Variants in YTHDF3 observed in about 807,000 individuals in gnomAD.
The protein encoded by YTHDF3 is YTH N6-methyladenosine RNA binding protein F3.
A neutral mutation model predicts 52.5 loss-of-function variants in YTHDF3; 9 were observed. The observed-to-expected ratio is 0.17, with a 90% CI of 0.10 to 0.30. YTHDF3 has a LOEUF of 0.30. Among genes scored for constraint, YTHDF3 ranks in the 10% least tolerant of loss-of-function variants. The probability of loss-of-function intolerance (pLI) is 1.00; values close to 1 mark genes in which losing one functional copy is unlikely to be tolerated. For missense variants in YTHDF3, 534 were observed against 715.0 expected (o/e 0.75, Z 2.89); for synonymous variants, 274 against 243.3 (o/e 1.13, Z -1.18).
intron 4 of YTHDF3, among the ~76,000 whole-genome samples, chr8:63,196,494 G>A (rs960585014): frequency 1.3e-5 from 2 of 151,240 alleles, no homozygotes; most frequent in Non-Finnish European, 2.9e-5. Flanking sequence ...ACCAGGAGGC[G>A]GAAGTTGCAG....
chr8:63,202,655 G>T (rs1345560312), intron 4 of YTHDF3, among the ~76,000 whole-genome samples: 1 of 151,866 alleles, frequency 6.6e-6, no homozygotes, highest in East Asian at 2.0e-4. Context: ...TAGAGACGGG[G>T]TTTTGACATG....
At chr8:63,190,828 C>T (rs1460299903) in intron 4 of YTHDF3, among the ~76,000 whole-genome samples, 1 of 152,212 alleles carries the variant, frequency 6.6e-6, no homozygotes, top group Non-Finnish European at 1.5e-5. Flanking sequence ...ACATTCATTG[C>T]TCAGTTAATC....
rs1376421140 is a variant in YTHDF3 at position 63,186,929 on chromosome 8, A to G, written c.918A>G (p.Pro306=). The G allele has an allele frequency of 3.1e-6, 5 of 1,613,864 alleles. No individual in the cohort carries two copies. The highest frequency in any genetic ancestry group is 3.4e-6 in the Non-Finnish European group (4 of 1,179,894). The change falls in exon 4 of 5, where the codon CCA becomes CCG. Residue 306 remains proline (P), a synonymous_variant. Coordinates refer to ENST00000539294, the MANE Select transcript of YTHDF3 (RefSeq NM_152758.6). ...AAACTATAATCCAGCAGCCTCAGCC[A>G]TTAATTCAACCACCACCATTGGTGC... ...PPQTIIQQPQ[P]LIQPPPLVQS...
upstream of YTHDF3, chr8:63,168,564 G>T: frequency 1.9e-6 from 1 of 516,160 alleles, no homozygotes; most frequent in South Asian, 2.2e-5. Context: ...GGAAGAGCGA[G>T]GTGAGCGCGG....
rs938471009 is a variant in YTHDF3, at chr8:63,212,096, A to G, written c.*2390A>G. 6.6e-6 allele frequency: 1 copy of G among 152,632 alleles called. No homozygotes were observed. The highest frequency in any genetic ancestry group is 2.4e-5 in the African/African-American group (1 of 41,460). The allele number at this position is 152,632 out of a possible 1,614,324, so 9.5% of individuals were successfully genotyped here. On this transcript the variant is annotated 3_prime_UTR_variant, in exon 5 of 5. Coordinates refer to ENST00000539294, the MANE Select transcript of YTHDF3 (RefSeq NM_152758.6). Reference sequence around the variant, plus strand: ...AGGAGACACATCATCAAATGTTTGAATGATCACAAATTAAGACATTATCAG... The same window carrying G: ...AGGAGACACATCATCAAATGTTTGAGTGATCACAAATTAAGACATTATCAG...
chr8:63,204,703 T>C (rs1027373882), intron 4 of YTHDF3, among the ~76,000 whole-genome samples: 3 of 152,316 alleles, frequency 2.0e-5, no homozygotes, highest in Non-Finnish European at 2.9e-5. Context: ...ATTGCTTCTT[T>C]TTTCAGATGT....
Position 63,179,695 on chromosome 8 carries a change from G to A in YTHDF3, c.135+4279G>A, listed in dbSNP as rs186440783. Among the ~76,000 whole-genome samples the A allele has an allele frequency of 1.8e-3, 267 of 151,680 alleles. 2 individuals are homozygous for A. The highest frequency in any genetic ancestry group is 6.2e-3 in the African/African-American group (254 of 41,286). On this transcript the variant is annotated intron_variant, in intron 3 of 4. Transcript: ENST00000539294. ...TCCCCCCTTTCTATTCCACAAAACC[G>A]CCATCGCCATCATGGCCCGTTCTCA...
chr8:63,191,792 G>T (rs1285034748), intron 4 of YTHDF3, among the ~76,000 whole-genome samples: 1 of 151,794 alleles, frequency 6.6e-6, no homozygotes, highest in Non-Finnish European at 1.5e-5. Flanking sequence ...ACTCAGCATG[G>T]TATCTTTGCA....
chr8:63,173,767 T>G (rs1253051965), intron 2 of YTHDF3: 1 of 767,510 alleles, frequency 1.3e-6, no homozygotes, highest in Non-Finnish European at 1.6e-6. Flanking sequence ...TTTATTTTGG[T>G]TTCTAGTGGC....
Position 63,209,781 on chromosome 8 carries a change from A to G in YTHDF3, c.*75A>G. 1 of 1,424,718 alleles carries G rather than the reference A, an allele frequency of 7.0e-7. No individual in the cohort carries two copies. The highest frequency in any genetic ancestry group is 9.4e-7 in the Non-Finnish European group (1 of 1,058,308). 88.3% of individuals were successfully genotyped at this position (1,424,718 alleles called of 1,614,324 possible). ...GGAAATGCCTAATAAGTCAAAGAAG[A>G]CGTATTAAAGCTCTTTTCTGCTTAA... On this transcript the variant is annotated 3_prime_UTR_variant, in exon 5 of 5. Coordinates refer to ENST00000539294, the MANE Select transcript of YTHDF3 (RefSeq NM_152758.6).
At chr8:63,176,739 G>A (rs374971127) in intron 3 of YTHDF3, among the ~76,000 whole-genome samples, 4 of 151,414 alleles carry the variant, frequency 2.6e-5, no homozygotes, top group South Asian at 2.1e-4. Flanking sequence ...GTGCAGTGGC[G>A]CAATCTTGGC....
intron 3 of YTHDF3, among the ~76,000 whole-genome samples, chr8:63,185,490 T>C (rs1201956413): frequency 6.6e-6 from 1 of 152,224 alleles, no homozygotes; most frequent in Non-Finnish European, 1.5e-5. Context: ...ATGTCTGTTA[T>C]TCCACCAATA....
At chr8:63,177,864 T>A (rs77029514) in intron 3 of YTHDF3, among the ~76,000 whole-genome samples, 3 of 151,842 alleles carry the variant, frequency 2.0e-5, no homozygotes, top group Non-Finnish European at 4.4e-5. Context: ...TTCAAGAAAT[T>A]TTCCTGCCTC....
At chr8:63,175,250 T>C in intron 2 of YTHDF3, 81 bp from the exon 3 acceptor site, 1 of 1,067,460 alleles carries the variant, frequency 9.4e-7, no homozygotes, top group Non-Finnish European at 1.3e-6. Flanking sequence ...TTTTTTGGCT[T>C]GAAAAATATT....
intron 4 of YTHDF3, among the ~76,000 whole-genome samples, chr8:63,191,215 C>T (rs1240543465): frequency 6.6e-6 from 1 of 152,134 alleles, no homozygotes; most frequent in African/African-American, 2.4e-5. Context: ...AAAACGTGTA[C>T]AATATGAATA....
intron 3 of YTHDF3, among the ~76,000 whole-genome samples, chr8:63,178,704 A>T (rs947883683): frequency 6.6e-6 from 1 of 152,236 alleles, no homozygotes; most frequent in Admixed American, 6.5e-5. Context: ...CATTTTAAAG[A>T]GGATTAATAC....
At chr8:63,192,815 CCT>C (rs1808997012) in intron 4 of YTHDF3, among the ~76,000 whole-genome samples, 1 of 140,294 alleles carries the variant, frequency 7.1e-6, no homozygotes, top group Non-Finnish European at 1.5e-5. Context: ...ACTACTTATG[CCT>C]TTTTTTTTTT....
intron 4 of YTHDF3, among the ~76,000 whole-genome samples, chr8:63,204,422 C>T (rs531288398): frequency 6.8e-5 from 10 of 146,192 alleles, no homozygotes; most frequent in East Asian, 6.0e-4. Flanking sequence ...AGTACAATGG[C>T]GTGATCTCGG....
At position 63,174,569 on chromosome 8, in the gene YTHDF3, A is replaced by G. The variant is rs1807562233; in HGVS notation, c.50-762A>G. 2.0e-5 allele frequency among the ~76,000 whole-genome samples: 3 copies of G among 152,186 alleles called. No individual in the cohort carries two copies. In the South Asian group the frequency reaches 6.2e-4, roughly 31 times the overall value. On this transcript the variant is annotated intron_variant, in intron 2 of 4. Coordinates refer to ENST00000539294, the MANE Select transcript of YTHDF3 (RefSeq NM_152758.6). ...GGACCTTACTTCTGAGTCTGCTCAA[A>G]AGCACTCTGAAACAGCATCCAGAGA...
Sources: allele counts gnomAD v4.1 joint callset (sites outside exome capture counted in the v4.1 genomes callset), GRCh38; gene constraint gnomAD v4.1.1; transcripts MANE v1.5; gene names NCBI Gene and HGNC (gene_info 2026-07-23, HGNC 2026-07-21).